CLDN24: variants seen among roughly 807,000 people sequenced by gnomAD.
The protein encoded by CLDN24 is claudin 24, also known as claudin-24.
For missense variants in CLDN24, 217 were observed against 253.9 expected, an observed-to-expected ratio of 0.85 and a Z score of 0.99; for synonymous variants, 103 against 104.7, an observed-to-expected ratio of 0.98 and a Z score of 0.10.
Position 183,321,787 on chromosome 4 carries a change from C to T in CLDN24, c.640G>A (p.Gly214Arg). 1 of 1,548,106 alleles carries T rather than the reference C, an allele frequency of 6.5e-7. No homozygotes were observed. ...TCTTACACTTGAGGATCTGCTGTCC[C>T]ATCTTCCAGGTAGGGACACTGAGTT... ...MQTQCPYLED[G>R]TADPQV is the part of the protein sequence containing the mutation. The change falls in exon 1 of 1, where the codon GGG becomes AGG. Residue 214 changes from glycine (G) to arginine (R), a missense_variant. Transcript: ENST00000541814.
rs772695202 is a variant in CLDN24 at position 183,321,998 on chromosome 4, C to T, written c.429G>A (p.Lys143=). 6 of 1,612,928 alleles carry T rather than the reference C, an allele frequency of 3.7e-6. No homozygotes were observed. In the Admixed American group the frequency reaches 1.0e-4, roughly 27 times the overall value. Residue 143 remains lysine (K), a synonymous_variant, in exon 1 of 1, where the codon AAG becomes AAA. Coordinates refer to ENST00000541814, the MANE Select transcript of CLDN24 (RefSeq NM_001185149.1). The part of the protein sequence containing the change: ...ALVPVSWVAH[K]TVQEFWDENV... ...TCTCATCCCAGAACTCCTGAACCGT[C>T]TTGTGGGCAACCCAAGAGACGGGAA...
At position 183,322,011 on chromosome 4, in the gene CLDN24, C is replaced by T; in HGVS notation, c.416G>A (p.Trp139Ter). The T allele has an allele frequency of 6.2e-7, 1 of 1,613,560 alleles. No homozygotes were observed. Among genetic ancestry groups the T allele is most frequent in the Non-Finnish European group, 8.5e-7 (1 of 1,179,712 alleles). The change falls in exon 1 of 1, where the codon TGG becomes TAG. Residue 139 changes from tryptophan to a stop codon, truncating the protein, a stop_gained. Coordinates refer to ENST00000541814, the MANE Select transcript of CLDN24 (RefSeq NM_001185149.1). LOFTEE classifies it low-confidence loss of function (END_TRUNC). ...SGITALVPVS[W>*]VAHKTVQEFW... is the part of the protein sequence containing the mutation. ...CTCCTGAACCGTCTTGTGGGCAACC[C>T]AAGAGACGGGAACCAGGGCTGTGAT...
chr4:183,321,803 A>G lies in CLDN24; in HGVS notation c.624T>C (p.Cys208=). 6.4e-7 allele frequency: 1 copy of G among 1,550,530 alleles called. No homozygotes were observed. Among genetic ancestry groups the G allele is most frequent in the Non-Finnish European group, 8.7e-7 (1 of 1,146,952 alleles). ...CTGCTGTCCCATCTTCCAGGTAGGGACACTGAGTTTGCATTTGCGCCACTG... is the reference window on the plus strand; with the variant it reads ...CTGCTGTCCCATCTTCCAGGTAGGGGCACTGAGTTTGCATTTGCGCCACTG... ...HYAVAQMQTQ[C]PYLEDGTADP... The change falls in exon 1 of 1, where the codon TGT becomes TGC. Residue 208 remains cysteine, a synonymous_variant. Coordinates refer to ENST00000541814, the MANE Select transcript of CLDN24 (RefSeq NM_001185149.1).
In CLDN24 at chr4:183,322,014, G is replaced by A; in HGVS notation, c.413C>T (p.Ser138Phe). Reference protein sequence around the residue: ...ASGITALVPVSWVAHKTVQEF... With the variant: ...ASGITALVPVFWVAHKTVQEF... ...CTGAACCGTCTTGTGGGCAACCCAA[G>A]AGACGGGAACCAGGGCTGTGATTCC... Residue 138 changes from serine (S) to phenylalanine (F), a missense_variant, in exon 1 of 1, where the codon TCT (serine) becomes TTT (phenylalanine). Physicochemically the swap from Ser to Phe is radical, Grantham distance 155 (BLOSUM62 -2). Coordinates refer to ENST00000541814, the MANE Select transcript of CLDN24 (RefSeq NM_001185149.1). 6.2e-7 allele frequency: 1 copy of A among 1,613,684 alleles called. No homozygotes were observed. The highest frequency in any genetic ancestry group is 2.2e-5 in the East Asian group (1 of 44,864).
In CLDN24 at chr4:183,322,019, G is replaced by C. The variant is rs753937324; in HGVS notation, c.408C>G (p.Pro136=). The change falls in exon 1 of 1, where the codon CCC becomes CCG. Residue 136 remains proline (P), a synonymous_variant. Coordinates refer to ENST00000541814, the MANE Select transcript of CLDN24 (RefSeq NM_001185149.1). ...SWASGITALV[P]VSWVAHKTVQ... The stretch of plus-strand genomic sequence containing the variant: ...CCGTCTTGTGGGCAACCCAAGAGAC[G>C]GGAACCAGGGCTGTGATTCCCGAGG... 1 of 1,613,540 alleles carries C rather than the reference G, an allele frequency of 6.2e-7. No homozygotes were observed.
In CLDN24 at chr4:183,322,390, CA is replaced by C; in HGVS notation, c.36del (p.Gly13AspfsTer28). 6.2e-7 allele frequency: 1 copy of C among 1,608,514 alleles called. No homozygotes were observed. The highest frequency in any genetic ancestry group is 1.1e-5 in the South Asian group (1 of 91,076). The stretch of plus-strand genomic sequence containing the variant: ...CATCCCAGGAGAGATAGTAAAAGTC[CA>C]ACAGATTGCATTGCTGTTCTAAAGA... ...ALIFRTAMQS[V>X]GLLLSLLGWI... On this transcript the variant is annotated frameshift_variant, in exon 1 of 1. Transcript: ENST00000541814. LOFTEE classifies it low-confidence loss of function (END_TRUNC).
rs376740595 is a variant in CLDN24, at chr4:183,322,337, C to T, written c.90G>A (p.Leu30=). The part of the protein sequence containing the change: ...GWILSIITTY[L]PHWKNLNLDL... Reference sequence around the variant, plus strand: ...CCAGGTTGAGGTTCTTCCAGTGTGGCAAATAAGTTGTAATAATGGATAAAA... The same window carrying T: ...CCAGGTTGAGGTTCTTCCAGTGTGGTAAATAAGTTGTAATAATGGATAAAA... The change falls in exon 1 of 1, where the codon TTG becomes TTA. Residue 30 remains leucine, a synonymous_variant. Coordinates refer to ENST00000541814, the MANE Select transcript of CLDN24 (RefSeq NM_001185149.1). 6 of 1,613,732 alleles carry T rather than the reference C, an allele frequency of 3.7e-6. No homozygotes were observed. In the African/African-American group the frequency reaches 5.3e-5, roughly 14 times the overall value.
rs1270679784 is a variant in CLDN24 at position 183,322,098 on chromosome 4, C to T, written c.329G>A (p.Ser110Asn). 3.1e-6 allele frequency: 5 copies of T among 1,613,864 alleles called. No homozygotes were observed. The highest frequency in any genetic ancestry group is 4.2e-6 in the Non-Finnish European group (5 of 1,179,840). The change falls in exon 1 of 1, where the codon AGT becomes AAT. Residue 110 changes from serine to asparagine, a missense_variant. Coordinates refer to ENST00000541814, the MANE Select transcript of CLDN24 (RefSeq NM_001185149.1). ...CAGTCGCCTCTTGAGATCTCTCTGA[C>T]TCTCTCCAATTCTCAAACAGTCCAG... ...FGLDCLRIGE[S>N]QRDLKRRLLI...
chr4:183,322,418 T>A lies in CLDN24; in HGVS notation c.9A>T (p.Leu3Phe), dbSNP rs558355621. The change falls in exon 1 of 1, where the codon TTA becomes TTT. Residue 3 changes from leucine to phenylalanine, a missense_variant. Transcript: ENST00000541814. Reference protein sequence around the residue: MALIFRTAMQSVG... With the variant: MAFIFRTAMQSVG... ...CAGATTGCATTGCTGTTCTAAAGAT[T>A]AAAGCCATTGCGACAGGTCTTAGGA... 19 of 1,602,392 alleles carry A rather than the reference T, an allele frequency of 1.2e-5. No homozygotes were observed. The highest frequency in any genetic ancestry group is 1.5e-5 in the Non-Finnish European group (18 of 1,179,306).
Position 183,322,206 on chromosome 4 carries a change from G to A in CLDN24, c.221C>T (p.Pro74Leu), listed in dbSNP as rs1739670159. Residue 74 changes from proline (P) to leucine (L), a missense_variant, in exon 1 of 1, where the codon CCT becomes CTT. Coordinates refer to ENST00000541814, the MANE Select transcript of CLDN24 (RefSeq NM_001185149.1). ...CKDFDSFLAL[P>L]AELRVSRILM... ...GATCCTGGAGACCCTGAGTTCAGCA[G>A]GCAAAGCCAGGAAGGAGTCAAAGTC... The A allele has an allele frequency of 6.2e-7, 1 of 1,613,534 alleles. No homozygotes were observed.
At position 183,322,417 on chromosome 4, in the gene CLDN24, T is replaced by G; in HGVS notation, c.10A>C (p.Ile4Leu). 6.2e-7 allele frequency: 1 copy of G among 1,602,426 alleles called. No individual in the cohort carries two copies. Among genetic ancestry groups the G allele is most frequent in the Non-Finnish European group, 8.5e-7 (1 of 1,179,326 alleles). The change falls in exon 1 of 1, where the codon ATC (isoleucine) becomes CTC (leucine). Residue 4 changes from isoleucine (I) to leucine (L), a missense_variant. By Grantham distance (5) the Ile-to-Leu change is conservative. Transcript: ENST00000541814. Reference sequence around the variant, plus strand: ...ACAGATTGCATTGCTGTTCTAAAGATTAAAGCCATTGCGACAGGTCTTAGG... The same window carrying G: ...ACAGATTGCATTGCTGTTCTAAAGAGTAAAGCCATTGCGACAGGTCTTAGG... Reference protein sequence around the residue: MALIFRTAMQSVGL... With the variant: MALLFRTAMQSVGL...
rs1423903103 is a variant in CLDN24, at chr4:183,322,207, G to A, written c.220C>T (p.Pro74Ser). 6.2e-7 allele frequency: 1 copy of A among 1,613,640 alleles called. No individual in the cohort carries two copies. Among genetic ancestry groups the A allele is most frequent in the Non-Finnish European group, 8.5e-7 (1 of 1,179,642 alleles). The change falls in exon 1 of 1, where the codon CCT (proline) becomes TCT (serine). Residue 74 changes from proline to serine, a missense_variant. Pro to Ser is a moderately conservative substitution (Grantham distance 74). Transcript: ENST00000541814. ...CKDFDSFLALPAELRVSRILM... is the reference protein window; with the variant it reads ...CKDFDSFLALSAELRVSRILM... ...ATCCTGGAGACCCTGAGTTCAGCAGGCAAAGCCAGGAAGGAGTCAAAGTCC... is the reference window on the plus strand; with the variant it reads ...ATCCTGGAGACCCTGAGTTCAGCAGACAAAGCCAGGAAGGAGTCAAAGTCC...
chr4:183,321,792 T>A lies in CLDN24; in HGVS notation c.635A>T (p.Glu212Val). ...AQMQTQCPYLEDGTADPQV is the reference protein window; with the variant it reads ...AQMQTQCPYLVDGTADPQV Reference sequence around the variant, plus strand: ...CACTTGAGGATCTGCTGTCCCATCTTCCAGGTAGGGACACTGAGTTTGCAT... The same window carrying A: ...CACTTGAGGATCTGCTGTCCCATCTACCAGGTAGGGACACTGAGTTTGCAT... The change falls in exon 1 of 1, where the codon GAA (glutamate) becomes GTA (valine). Residue 212 changes from glutamate to valine, a missense_variant. Coordinates refer to ENST00000541814, the MANE Select transcript of CLDN24 (RefSeq NM_001185149.1). The A allele has an allele frequency of 6.5e-7, 1 of 1,549,026 alleles. No individual in the cohort carries two copies. Among genetic ancestry groups the A allele is most frequent in the Non-Finnish European group, 8.7e-7 (1 of 1,146,672 alleles).
In CLDN24 at chr4:183,321,974, C is replaced by G; in HGVS notation, c.453G>C (p.Glu151Asp). The stretch of plus-strand genomic sequence containing the variant: ...ACCTGGGGACAAAGTCTGGGACGTT[C>G]TCATCCCAGAACTCCTGAACCGTCT... Reference protein sequence around the residue: ...AHKTVQEFWDENVPDFVPRWE... With the variant: ...AHKTVQEFWDDNVPDFVPRWE... Residue 151 changes from glutamate to aspartate, a missense_variant, in exon 1 of 1, where the codon GAG (glutamate) becomes GAC (aspartate). Glu to Asp is a conservative substitution (Grantham distance 45, BLOSUM62 2). Transcript: ENST00000541814. The G allele has an allele frequency of 1.2e-6, 2 of 1,605,972 alleles. No individual in the cohort carries two copies. The highest frequency in any genetic ancestry group is 2.2e-5 in the South Asian group (2 of 89,530).
rs765230078 is a variant in CLDN24, at chr4:183,322,094, C to T, written c.333G>A (p.Gln111=). 2.4e-5 allele frequency: 38 copies of T among 1,613,894 alleles called. No individual in the cohort carries two copies. The Middle Eastern group carries it at 1.3e-3, about 56-fold the overall frequency. The change falls in exon 1 of 1, where the codon CAG becomes CAA. Residue 111 remains glutamine, a synonymous_variant. Transcript: ENST00000541814. The stretch of plus-strand genomic sequence containing the variant: ...TGAGCAGTCGCCTCTTGAGATCTCT[C>T]TGACTCTCTCCAATTCTCAAACAGT... ...GLDCLRIGES[Q]RDLKRRLLIL...
In CLDN24 at chr4:183,321,773, A is replaced by C; in HGVS notation, c.654T>G (p.Pro218=). Residue 218 remains proline, a synonymous_variant, in exon 1 of 1, where the codon CCT becomes CCG. Transcript: ENST00000541814. ...CPYLEDGTAD[P]QV is the part of the protein sequence containing the mutation. ...TGGCCTTGTCGGAGTCTTACACTTGAGGATCTGCTGTCCCATCTTCCAGGT... is the reference window on the plus strand; with the variant it reads ...TGGCCTTGTCGGAGTCTTACACTTGCGGATCTGCTGTCCCATCTTCCAGGT... The C allele has an allele frequency of 6.5e-7, 1 of 1,544,634 alleles. No individual in the cohort carries two copies. The highest frequency in any genetic ancestry group is 8.7e-7 in the Non-Finnish European group (1 of 1,145,666).
chr4:183,322,214 C>CAGGA lies in CLDN24; in HGVS notation c.209_212dup (p.Ala72ProfsTer6), dbSNP rs1739670386. The CAGGA allele has an allele frequency of 6.2e-7, 1 of 1,613,652 alleles. No individual in the cohort carries two copies. The highest frequency in any genetic ancestry group is 8.5e-7 in the Non-Finnish European group (1 of 1,179,752). On this transcript the variant is annotated frameshift_variant, in exon 1 of 1. Coordinates refer to ENST00000541814, the MANE Select transcript of CLDN24 (RefSeq NM_001185149.1). LOFTEE classifies it low-confidence loss of function (END_TRUNC). ...AGACCCTGAGTTCAGCAGGCAAAGC[C>CAGGA]AGGAAGGAGTCAAAGTCCTTGCATT...
In CLDN24 at chr4:183,322,374, AG is replaced by A. The variant is rs760666105; in HGVS notation, c.52del (p.Leu18SerfsTer23). 6.2e-7 allele frequency: 1 copy of A among 1,612,118 alleles called. No homozygotes were observed. The highest frequency in any genetic ancestry group is 8.5e-7 in the Non-Finnish European group (1 of 1,180,014). On this transcript the variant is annotated frameshift_variant, in exon 1 of 1. Coordinates refer to ENST00000541814, the MANE Select transcript of CLDN24 (RefSeq NM_001185149.1). LOFTEE classifies it low-confidence loss of function (END_TRUNC). Reference protein sequence around the residue: ...AMQSVGLLLSLLGWILSIITT... With the variant: ...AMQSVGLLLSXLGWILSIITT... ...AATAATGGATAAAATCCATCCCAGG[AG>A]AGATAGTAAAAGTCCAACAGATTGC... is the stretch of plus-strand genomic sequence containing the variant.
At position 183,321,961 on chromosome 4, in the gene CLDN24, A is replaced by C. The variant is rs757531257; in HGVS notation, c.466T>G (p.Phe156Val). 6.9e-6 allele frequency: 11 copies of C among 1,595,808 alleles called. No individual in the cohort carries two copies. In the South Asian group the frequency reaches 1.2e-4, roughly 18 times the overall value. Residue 156 changes from phenylalanine to valine, a missense_variant, in exon 1 of 1, where the codon TTT becomes GTT. Transcript: ENST00000541814. ...QEFWDENVPD[F>V]VPRWEFGEAL... ...TCCCCAAACTCCCACCTGGGGACAA[A>C]GTCTGGGACGTTCTCATCCCAGAAC...
Sources: allele counts gnomAD v4.1 joint callset, GRCh38; gene constraint gnomAD v4.1.1; transcripts MANE v1.5; gene names NCBI Gene and HGNC (gene_info 2026-07-23, HGNC 2026-07-21).